Variants in PTPRN2 observed in about 807,000 individuals in gnomAD.
PTPRN2 encodes protein tyrosine phosphatase receptor type N2.
A neutral mutation model predicts 118.8 loss-of-function variants in PTPRN2; 74 were observed. The ratio of observed to expected loss-of-function variants is 0.62; its 90% CI spans 0.52 to 0.76. The LOEUF (loss-of-function observed/expected upper bound fraction) is 0.76. Among genes scored for constraint, PTPRN2 ranks in the 30% least tolerant of loss-of-function variants. PTPRN2 has a pLI of 0.00. For synonymous variants in PTPRN2, 641 were observed against 608.0 expected (o/e 1.05, Z -0.80); for missense variants, 1,481 against 1,394.4 (o/e 1.06, Z -0.99).
intron 14 of PTPRN2, among the ~76,000 whole-genome samples, chr7:157,647,035 C>T (rs200092426): frequency 1.4e-3 from 210 of 147,798 alleles, no homozygotes; most frequent in Non-Finnish European, 2.1e-3. Context: ...CTCGGTGGGT[C>T]GGACCCATCC....
chr7:158,417,682 C>T (rs374343265), intron 2 of PTPRN2, among the ~76,000 whole-genome samples: 35 of 120,000 alleles, frequency 2.9e-4, no homozygotes, highest in South Asian at 6.5e-4. Context: ...TGTTAAGTCA[C>T]GGTGTACTAC....
At chr7:158,268,581 GGC>G (rs1798061783) in intron 3 of PTPRN2, among the ~76,000 whole-genome samples, 2 of 138,766 alleles carry the variant, frequency 1.4e-5, no homozygotes, top group South Asian at 2.3e-4. Context: ...ACGCACACAG[GGC>G]GGGTGTGAAA....
intron 1 of PTPRN2, among the ~76,000 whole-genome samples, chr7:158,516,653 TTGTTCTTGGTGC>T (rs1471112419): frequency 5.3e-5 from 8 of 151,956 alleles, no homozygotes; most frequent in Non-Finnish European, 8.8e-5. Flanking sequence ...CTCCTGCCTA[TTGTTCTTGGTGC>T]TGTTCTTGGT....
chr7:157,888,222 T>TC (rs1282361087), intron 12 of PTPRN2, among the ~76,000 whole-genome samples: 1 of 151,744 alleles, frequency 6.6e-6, no homozygotes, highest in Non-Finnish European at 1.5e-5. Flanking sequence ...GGTTCAGTGG[T>TC]CCCCCCAGGC....
chr7:158,400,067 A>G (rs1343691668), intron 2 of PTPRN2, among the ~76,000 whole-genome samples: 1 of 152,152 alleles, frequency 6.6e-6, no homozygotes, highest in African/African-American at 2.4e-5. Context: ...TGGGGTGAGG[A>G]GAGGAAGTAA....
intron 14 of PTPRN2, among the ~76,000 whole-genome samples, chr7:157,648,725 C>A (rs1183469893): frequency 6.8e-6 from 1 of 147,196 alleles, no homozygotes; most frequent in Non-Finnish European, 1.5e-5. Flanking sequence ...GTGCACTGAA[C>A]TCGGTGGGTC....
intron 2 of PTPRN2, among the ~76,000 whole-genome samples, chr7:158,325,664 C>T (rs1014145806): frequency 2.0e-5 from 3 of 152,176 alleles, no homozygotes; most frequent in Non-Finnish European, 2.9e-5. Flanking sequence ...GAAGCCTTTG[C>T]AGATGAGAGG....
At chr7:157,943,391 T>C (rs952819815) in intron 11 of PTPRN2, among the ~76,000 whole-genome samples, 4 of 152,004 alleles carry the variant, frequency 2.6e-5, no homozygotes, top group African/African-American at 9.7e-5. Flanking sequence ...CTACACCCTT[T>C]AAATTCAGTG....
chr7:158,569,988 C>T (rs1406526225), intron 1 of PTPRN2, among the ~76,000 whole-genome samples: 6 of 152,144 alleles, frequency 3.9e-5, no homozygotes, highest in Non-Finnish European at 8.8e-5. Context: ...CGCTCGCAGA[C>T]GGGGGAGCCC....
intron 2 of PTPRN2, among the ~76,000 whole-genome samples, chr7:158,330,070 A>G (rs1165302898): frequency 6.7e-6 from 1 of 148,988 alleles, no homozygotes; most frequent in African/African-American, 2.5e-5. Flanking sequence ...CACTCTCACC[A>G]TAAGAGCTGA....
chr7:157,771,679 A>T (rs1207579778), intron 12 of PTPRN2, among the ~76,000 whole-genome samples: 2 of 151,644 alleles, frequency 1.3e-5, no homozygotes, highest in Non-Finnish European at 3.0e-5. Flanking sequence ...AAACACACAG[A>T]CACACATGCA....
At chr7:157,565,281 C>G (rs1799427902) in intron 21 of PTPRN2, among the ~76,000 whole-genome samples, 1 of 152,248 alleles carries the variant, frequency 6.6e-6, no homozygotes, top group Admixed American at 6.5e-5. Context: ...GGAACGTACT[C>G]CTAGCCAGCT....
intron 2 of PTPRN2, among the ~76,000 whole-genome samples, chr7:158,403,679 C>T (rs768643153): frequency 6.6e-6 from 1 of 152,280 alleles, no homozygotes; most frequent in Non-Finnish European, 1.5e-5. Flanking sequence ...GCCGGGACTG[C>T]GAGTGCCTGG....
At chr7:158,196,449 C>A (rs1171133771) in intron 4 of PTPRN2, among the ~76,000 whole-genome samples, 1 of 152,188 alleles carries the variant, frequency 6.6e-6, no homozygotes, top group Admixed American at 6.5e-5. Flanking sequence ...CACGTTTATA[C>A]CCCATCTAGG....
In PTPRN2 at chr7:158,529,053, G is replaced by A. The variant is rs1825016685; in HGVS notation, c.113-39268C>T. On this transcript the variant is annotated intron_variant, in intron 1 of 22. Coordinates refer to ENST00000389418, the MANE Select transcript of PTPRN2 (RefSeq NM_002847.5). The surrounding 1 kb of genome is among the most constrained non-coding windows in gnomAD (Gnocchi z 4.7). The stretch of plus-strand genomic sequence containing the variant: ...GGGCTTTGGGATCACACAGCCAGGG[G>A]CAAATCTCAGCTCTGCAGCCTGAGA... 6.6e-6 allele frequency among the ~76,000 whole-genome samples: 1 copy of A among 152,206 alleles called. No individual in the cohort carries two copies. The highest frequency in any genetic ancestry group is 2.1e-4 in the South Asian group (1 of 4,826).
chr7:158,216,096 A>C (rs138223890), intron 3 of PTPRN2, among the ~76,000 whole-genome samples: 75 of 152,316 alleles, frequency 4.9e-4, no homozygotes, highest in Middle Eastern at 3.4e-3. Flanking sequence ...GCATAAGTAA[A>C]ATGTCATAAA....
chr7:157,650,427 C>CGGCA, intron 14 of PTPRN2, among the ~76,000 whole-genome samples: 1 of 152,366 alleles, frequency 6.6e-6, no homozygotes, highest in South Asian at 2.1e-4. Flanking sequence ...GCCACAAAGC[C>CGGCA]GGCATCGTCC....
chr7:157,904,599 T>A (rs1797658155), intron 11 of PTPRN2, among the ~76,000 whole-genome samples: 1 of 152,248 alleles, frequency 6.6e-6, no homozygotes, highest in African/African-American at 2.4e-5. Flanking sequence ...TGGAGATTGC[T>A]GAGTGCTTTT....
At chr7:158,543,467 GT>G (rs1277108588) in intron 1 of PTPRN2, among the ~76,000 whole-genome samples, 2 of 152,200 alleles carry the variant, frequency 1.3e-5, no homozygotes, top group Non-Finnish European at 2.9e-5. Flanking sequence ...TTTGCACTTT[GT>G]TTTCCTTCTT....
Sources: gnomAD v4.1 joint callset for allele counts (sites outside exome capture counted in the v4.1 genomes callset) on GRCh38, gnomAD v4.1.1 for gene constraint, Gnocchi (gnomAD v3.1) non-coding constraint, MANE v1.5 for transcripts, NCBI Gene and HGNC (gene_info 2026-07-23, HGNC 2026-07-21) for gene names.